RRBP1: variants seen among roughly 807,000 people sequenced by gnomAD.
The protein encoded by RRBP1 is ribosome binding protein 1.
In RRBP1, 94 loss-of-function variants were observed where a neutral mutation model predicts 165.2. The observed-to-expected ratio is 0.57, with a 90% CI of 0.48 to 0.68. RRBP1 has a LOEUF of 0.68. RRBP1 is among the 30% of genes least tolerant of loss of function. The probability of loss-of-function intolerance (pLI) is 0.00; values close to 1 mark genes in which losing one functional copy is unlikely to be tolerated. For synonymous variants in RRBP1, 680 were observed against 714.5 expected, an observed-to-expected ratio of 0.95 and a Z score of 0.77; for missense variants, 1,676 against 1,763.0, an observed-to-expected ratio of 0.95 and a Z score of 0.88.
In RRBP1 at chr20:17,643,017, A is replaced by G; in HGVS notation, c.2023T>C (p.Ser675Pro). 6.2e-7 allele frequency: 1 copy of G among 1,614,010 alleles called. No homozygotes were observed. Among genetic ancestry groups the G allele is most frequent in the Non-Finnish European group, 8.5e-7 (1 of 1,180,006 alleles). ...GEAQRLIEIL[S>P]EKAGIIQDTW... ...TCCTGAATGATGCCAGCCTTCTCAGACAGGATCTCGATGAGCCGCTGGGCC... is the reference window on the plus strand; with the variant it reads ...TCCTGAATGATGCCAGCCTTCTCAGGCAGGATCTCGATGAGCCGCTGGGCC... The change falls in exon 4 of 25, where the codon TCT (serine) becomes CCT (proline). Residue 675 changes from serine (S) to proline (P), a missense_variant. Physicochemically the swap from Ser to Pro is moderately conservative, Grantham distance 74. This residue lies in a region of RRBP1 where 1,184 missense variants were observed against 1,167.1 expected (regional missense o/e 1.01). Coordinates refer to ENST00000377813, the MANE Select transcript of RRBP1 (RefSeq NM_001365613.2). This position sits in a 1 kb window ranked among gnomAD's most constrained non-coding sequence, Gnocchi z 4.3.
chr20:17,624,722 CTA>C, intron 12 of RRBP1, 54 bp from the exon 13 acceptor site: 13 of 1,324,102 alleles, frequency 9.8e-6, no homozygotes, highest in East Asian at 2.5e-5. Flanking sequence ...CACGGGCTGC[CTA>C]AGCTGGTGTC....
intron 3 of RRBP1, among the ~76,000 whole-genome samples, chr20:17,644,847 G>A (rs2122377200): frequency 6.6e-6 from 1 of 152,334 alleles, no homozygotes; most frequent in African/African-American, 2.4e-5. Context: ...ATTGTATGTT[G>A]AAATAACATT....
chr20:17,639,380 C>T (rs570843221), intron 5 of RRBP1, among the ~76,000 whole-genome samples: 1 of 152,324 alleles, frequency 6.6e-6, no homozygotes, highest in Admixed American at 6.5e-5. Context: ...GCATCAGACC[C>T]CAAGAAACAG....
chr20:17,629,924 C>A lies in RRBP1; in HGVS notation c.2648G>T (p.Arg883Leu), dbSNP rs745884127. The change falls in exon 9 of 25, where the codon CGC becomes CTC. Residue 883 changes from arginine to leucine, a missense_variant. By Grantham distance (102) the Arg-to-Leu change is moderately radical. Coordinates refer to ENST00000377813, the MANE Select transcript of RRBP1 (RefSeq NM_001365613.2). ...HRESEEALQK[R>L]LDEVSRELCH... Reference sequence around the variant, plus strand: ...CAGCTCCCGGCTGACCTCGTCCAGGCGCTTCTGCAGGGCCTCCTCACTCTC... The same window carrying A: ...CAGCTCCCGGCTGACCTCGTCCAGGAGCTTCTGCAGGGCCTCCTCACTCTC... 3.1e-6 allele frequency: 5 copies of A among 1,599,956 alleles called. No individual in the cohort carries two copies.
intron 2 of RRBP1, among the ~76,000 whole-genome samples, chr20:17,665,758 T>A (rs1351964960): frequency 1.3e-5 from 2 of 152,166 alleles, no homozygotes; most frequent in African/African-American, 4.8e-5. Context: ...CCACCCAGGG[T>A]CGCTTCCTGG....
At chr20:17,660,567 A>G (rs2122454161) in intron 2 of RRBP1, 39 bp from the exon 3 acceptor site, 1 of 1,270,254 alleles carries the variant, frequency 7.9e-7, no homozygotes, top group East Asian at 2.3e-5. Flanking sequence ...TATAGAAATC[A>G]AGGCCTTCAA....
chr20:17,645,538 A>G (rs912372034), intron 3 of RRBP1, among the ~76,000 whole-genome samples: 1 of 152,186 alleles, frequency 6.6e-6, no homozygotes, highest in Non-Finnish European at 1.5e-5. Flanking sequence ...AACTTTACAA[A>G]TCATTTTTCA....
rs555944168 is a variant in RRBP1 at position 17,636,876 on chromosome 20, C to T, written c.2185-147G>A. On this transcript the variant is annotated intron_variant, in intron 5 of 24. Coordinates refer to ENST00000377813, the MANE Select transcript of RRBP1 (RefSeq NM_001365613.2). Reference sequence around the variant, plus strand: ...GGCCGGGTTCTCAGCTAGACTCAAGCCAGCTGCAGTGGGAACGACGACAGA... The same window carrying T: ...GGCCGGGTTCTCAGCTAGACTCAAGTCAGCTGCAGTGGGAACGACGACAGA... The T allele has an allele frequency of 1.1e-4, 106 of 945,994 alleles. No homozygotes were observed. The Middle Eastern group carries it at 2.0e-3, about 18-fold the overall frequency. 58.6% of individuals were successfully genotyped at this position (945,994 alleles called of 1,614,324 possible). A position where few individuals can be genotyped will look rare whatever the true frequency, so the allele number is the denominator to read the frequency against.
chr20:17,641,658 T>C, intron 5 of RRBP1, 139 bp downstream of exon 5: 1 of 1,045,560 alleles, frequency 9.6e-7, no homozygotes, highest in South Asian at 1.3e-5. Context: ...TAAGCAGCAG[T>C]CCCTACTCAG....
rs376657822 is a variant in RRBP1, at chr20:17,627,468, C to T, written c.2928+36G>A. On this transcript the variant is annotated intron_variant, in intron 10 of 24. Coordinates refer to ENST00000377813, the MANE Select transcript of RRBP1 (RefSeq NM_001365613.2). ...GTCCACCCACCTGCTAGATGGAGTTCCCTTTCCTCCCCGTGGCCCCAGGCA... is the reference window on the plus strand; with the variant it reads ...GTCCACCCACCTGCTAGATGGAGTTTCCTTTCCTCCCCGTGGCCCCAGGCA... 1.8e-5 allele frequency: 29 copies of T among 1,605,578 alleles called. No individual in the cohort carries two copies. In the South Asian group the frequency reaches 3.0e-4, roughly 17 times the overall value.
intron 8 of RRBP1, among the ~76,000 whole-genome samples, chr20:17,631,554 C>T (rs1439150439): frequency 6.6e-6 from 1 of 152,268 alleles, no homozygotes; most frequent in Non-Finnish European, 1.5e-5. Context: ...CAGCCAATCA[C>T]ACTGAACAAT....
chr20:17,660,126 G>A lies in RRBP1; in HGVS notation c.382C>T (p.Pro128Ser). The change falls in exon 3 of 25, where the codon CCC becomes TCC. Residue 128 changes from proline (P) to serine (S), a missense_variant. Coordinates refer to ENST00000377813, the MANE Select transcript of RRBP1 (RefSeq NM_001365613.2). The part of the protein sequence containing the change: ...VAPVATVPAM[P>S]QEKLASSPKD... ...GGGGAGGAGGCCAGCTTCTCCTGGG[G>A]CATGGCTGGAACTGTGGCGACAGGA... 1 of 1,614,096 alleles carries A rather than the reference G, an allele frequency of 6.2e-7. No individual in the cohort carries two copies. The highest frequency in any genetic ancestry group is 1.1e-5 in the South Asian group (1 of 91,066).
chr20:17,661,169 G>C (rs1296680428), intron 2 of RRBP1, among the ~76,000 whole-genome samples: 1 of 152,192 alleles, frequency 6.6e-6, no homozygotes, highest in Non-Finnish European at 1.5e-5. Context: ...TCTCCACTCT[G>C]TTGTTTCCCT....
chr20:17,638,985 T>C (rs773294751), intron 5 of RRBP1, among the ~76,000 whole-genome samples: 1 of 152,170 alleles, frequency 6.6e-6, no homozygotes, highest in Non-Finnish European at 1.5e-5. Context: ...CCAGAGGGCC[T>C]TGGGGCTCCT....
At chr20:17,665,501 A>G (rs569423700) in intron 2 of RRBP1, among the ~76,000 whole-genome samples, 1 of 152,286 alleles carries the variant, frequency 6.6e-6, no homozygotes, top group South Asian at 2.1e-4. Context: ...GCTCCCGAGT[A>G]GCTGGGATTA....
chr20:17,621,056 G>A (rs2035904202), intron 16 of RRBP1, among the ~76,000 whole-genome samples: 1 of 152,198 alleles, frequency 6.6e-6, no homozygotes, highest in Admixed American at 6.5e-5. Context: ...CCACTAGGAT[G>A]CTTGTTACTG....
chr20:17,624,633 T>C lies in RRBP1; in HGVS notation c.3090A>G (p.Ala1030=). 1 of 1,590,642 alleles carries C rather than the reference T, an allele frequency of 6.3e-7. No homozygotes were observed. Among genetic ancestry groups the C allele is most frequent in the Non-Finnish European group, 8.6e-7 (1 of 1,169,186 alleles). Residue 1030 remains alanine (A), a synonymous_variant, in exon 13 of 25, where the codon GCA becomes GCG. Transcript: ENST00000377813. The part of the protein sequence containing the change: ...LREKNWKAME[A]LATAEQACKE... ...TGCAGGCCTGCTCGGCCGTGGCCAGTGCCTCCATGGCCTTCCAGTTCTTCT... is the reference window on the plus strand; with the variant it reads ...TGCAGGCCTGCTCGGCCGTGGCCAGCGCCTCCATGGCCTTCCAGTTCTTCT...
chr20:17,649,443 C>T (rs1006299687), intron 3 of RRBP1, among the ~76,000 whole-genome samples: 3 of 152,146 alleles, frequency 2.0e-5, no homozygotes, highest in African/African-American at 7.2e-5. Flanking sequence ...GAGAATTGCA[C>T]GAGGGATAAA....
At chr20:17,621,820 CTG>C (rs2035919615) in intron 14 of RRBP1, 33 bp downstream of exon 14, 2 of 1,612,012 alleles carry the variant, frequency 1.2e-6, no homozygotes, top group South Asian at 2.2e-5. Context: ...TCCCTGAGAA[CTG>C]TGAGGTCCCC....
Sources: gnomAD v4.1 joint callset for allele counts (sites outside exome capture counted in the v4.1 genomes callset) on GRCh38, gnomAD v4.1.1 for gene constraint, gnomAD v4.1.1 regional missense constraint, Gnocchi (gnomAD v3.1) non-coding constraint, MANE v1.5 for transcripts, NCBI Gene and HGNC (gene_info 2026-07-23, HGNC 2026-07-21) for gene names.